SLIT3: variants seen among roughly 807,000 people sequenced by gnomAD.
SLIT3 encodes the protein slit guidance ligand 3.
In SLIT3, 68 loss-of-function variants were observed where a neutral mutation model predicts 184.0. The observed-to-expected ratio is 0.37, with a 90% CI of 0.30 to 0.45. The LOEUF (loss-of-function observed/expected upper bound fraction) is 0.45, where lower values mean the gene tolerates loss of function less well. Ranked by LOEUF, SLIT3 falls within the 20% of genes least tolerant of loss-of-function variation. The pLI is 1.00. For synonymous variants in SLIT3, 831 were observed against 828.6 expected (o/e 1.00, Z -0.05); for missense variants, 1,707 against 2,026.0 (o/e 0.84, Z 3.02).
At chr5:168,899,627 A>G (rs77823916) in intron 4 of SLIT3, among the ~76,000 whole-genome samples, 3,039 of 152,330 alleles carry the variant, frequency 0.02, 106 homozygotes, top group African/African-American at 0.068. Context: ...AGCTATAAGC[A>G]TTGCCATGTA....
chr5:168,791,560 C>T (rs1212539513), intron 10 of SLIT3: 1 of 152,202 alleles, frequency 6.6e-6, no homozygotes, highest in African/African-American at 2.4e-5. Context: ...AGATCAAACT[C>T]CTTGTTCTAC....
intron 4 of SLIT3, among the ~76,000 whole-genome samples, chr5:168,967,596 C>T (rs1441357646): frequency 7.6e-5 from 11 of 144,116 alleles, no homozygotes; most frequent in Admixed American, 4.1e-4. Flanking sequence ...CCCGCCACTA[C>T]GCCCGGCTAA....
chr5:169,250,864 T>C (rs140762565), intron 2 of SLIT3, among the ~76,000 whole-genome samples: 4 of 152,234 alleles, frequency 2.6e-5, no homozygotes, highest in Non-Finnish European at 5.9e-5. Context: ...TATTCAGCAA[T>C]GAAACCTAAT....
intron 4 of SLIT3, chr5:169,013,393 G>A (rs978288268): frequency 1.3e-5 from 2 of 152,352 alleles, no homozygotes; most frequent in African/African-American, 4.8e-5. Flanking sequence ...AGGTAAGCAC[G>A]TCAGGGCCCC....
rs112675856 is a variant in SLIT3, at chr5:169,222,810, C to T, written c.341+21895G>A. Among the ~76,000 whole-genome samples, 1,095 of 152,322 alleles carry T rather than the reference C, an allele frequency of 7.2e-3. 9 individuals are homozygous for T. The highest frequency in any genetic ancestry group is 0.011 in the Non-Finnish European group (766 of 68,030). ...GAGCCATTACATGAATGCAGGTTAGCACTTCAGCCATTGTCACCCAGAGAG... is the reference window on the plus strand; with the variant it reads ...GAGCCATTACATGAATGCAGGTTAGTACTTCAGCCATTGTCACCCAGAGAG... On this transcript the variant is annotated intron_variant, in intron 3 of 35. Transcript: ENST00000519560.
At chr5:168,752,829 C>T in intron 18 of SLIT3, 126 bp downstream of exon 18, 2 of 931,010 alleles carry the variant, frequency 2.1e-6, no homozygotes, top group South Asian at 1.7e-5. Flanking sequence ...ATACAGAAAG[C>T]CTGACGAGTT....
At chr5:168,849,822 G>T (rs1244786697) in intron 5 of SLIT3, among the ~76,000 whole-genome samples, 2 of 152,172 alleles carry the variant, frequency 1.3e-5, no homozygotes, top group Non-Finnish European at 2.9e-5. Context: ...ATAGAATATT[G>T]TAACTGTAAA....
chr5:169,125,769 A>G (rs1193193194), intron 4 of SLIT3, among the ~76,000 whole-genome samples: 3 of 152,186 alleles, frequency 2.0e-5, no homozygotes, highest in Admixed American at 6.5e-5. Context: ...GTGCCTGGGC[A>G]TTATCTAATT....
At chr5:168,762,483 T>TCCGG in intron 15 of SLIT3, 56 bp downstream of exon 15, 9 of 1,583,002 alleles carry the variant, frequency 5.7e-6, no homozygotes, top group Non-Finnish European at 7.8e-6. Flanking sequence ...CCACGCTGGC[T>TCCGG]CCGGGTGACT....
At chr5:169,258,422 C>T (rs1766052061) in intron 1 of SLIT3, among the ~76,000 whole-genome samples, 1 of 152,204 alleles carries the variant, frequency 6.6e-6, no homozygotes, top group Non-Finnish European at 1.5e-5. Context: ...CATTTCCTAC[C>T]CTGTCTCCCA....
In SLIT3 at chr5:168,909,101, G is replaced by A. The variant is rs141811322; in HGVS notation, c.414-25765C>T. 5.1e-3 allele frequency among the ~76,000 whole-genome samples: 779 copies of A among 152,240 alleles called. 8 individuals are homozygous for A. Among genetic ancestry groups the A allele is most frequent in the African/African-American group, 0.018 (729 of 41,544 alleles). ...ACCCATGTCATTCCCACAGGCCTGC[G>A]TCCTCCGGTCACACATCTATCATGC... On this transcript the variant is annotated intron_variant, in intron 4 of 35. Coordinates refer to ENST00000519560, the MANE Select transcript of SLIT3 (RefSeq NM_003062.4).
intron 27 of SLIT3, among the ~76,000 whole-genome samples, chr5:168,700,311 C>T (rs1762177213): frequency 6.6e-6 from 1 of 152,156 alleles, no homozygotes. Flanking sequence ...GCAGTTTCTC[C>T]CATACTGTTC....
intron 1 of SLIT3, among the ~76,000 whole-genome samples, chr5:169,293,535 A>C (rs1767416382): frequency 6.6e-6 from 1 of 152,166 alleles, no homozygotes; most frequent in African/African-American, 2.4e-5. Flanking sequence ...AACAATAGGA[A>C]TATTGATGGA....
intron 4 of SLIT3, among the ~76,000 whole-genome samples, chr5:169,120,637 C>A (rs571098010): frequency 6.6e-6 from 1 of 152,208 alleles, no homozygotes; most frequent in African/African-American, 2.4e-5. Context: ...GCCACTAAAT[C>A]TGTGGTAATT....
At chr5:168,913,550 G>A (rs1309689134) in intron 4 of SLIT3, among the ~76,000 whole-genome samples, 2 of 151,944 alleles carry the variant, frequency 1.3e-5, no homozygotes, top group Admixed American at 1.3e-4. Context: ...GGTGGATCAC[G>A]TAAGGTCAGG....
chr5:168,732,053 C>G (rs1029136386), intron 20 of SLIT3, among the ~76,000 whole-genome samples: 2 of 152,044 alleles, frequency 1.3e-5, no homozygotes, highest in African/African-American at 2.4e-5. Context: ...ACACTAAATA[C>G]TTGACCAAAA....
At chr5:168,803,540 G>T (rs1335453455) in intron 9 of SLIT3, among the ~76,000 whole-genome samples, 1 of 152,196 alleles carries the variant, frequency 6.6e-6, no homozygotes, top group East Asian at 1.9e-4. Context: ...GTCTCCTGGA[G>T]AGCTGAGCTG....
At chr5:168,845,328 T>C (rs1167371636) in intron 5 of SLIT3, among the ~76,000 whole-genome samples, 3 of 152,176 alleles carry the variant, frequency 2.0e-5, no homozygotes, top group African/African-American at 7.2e-5. Flanking sequence ...ATTTTCTGAC[T>C]AAATACAGAT....
At position 168,784,537 on chromosome 5, in the gene SLIT3, C is replaced by T. The variant is rs146509682; in HGVS notation, c.1151+1370G>A. Among the ~76,000 whole-genome samples the T allele has an allele frequency of 1.4e-4, 22 of 152,280 alleles. No individual in the cohort carries two copies. The East Asian group carries it at 3.7e-3, about 25-fold the overall frequency. ...CCCTGGAAACTTGCTGGGCATCGCA[C>T]GCCTACATAATTCACATTAGTGCGT... On this transcript the variant is annotated intron_variant, in intron 12 of 35. Coordinates refer to ENST00000519560, the MANE Select transcript of SLIT3 (RefSeq NM_003062.4).
Sources: gnomAD v4.1 joint callset for allele counts (sites outside exome capture counted in the v4.1 genomes callset) on GRCh38, gnomAD v4.1.1 for gene constraint, MANE v1.5 for transcripts, NCBI Gene and HGNC (gene_info 2026-07-23, HGNC 2026-07-21) for gene names.